Variants in PACS2 observed in about 807,000 individuals in gnomAD.
PACS2 encodes phosphofurin acidic cluster sorting protein 2, also known as PACS1-like protein.
PACS2 carries 36 observed loss-of-function variants against 113.0 expected under a neutral mutation model. The observed-to-expected ratio is 0.32, with a 90% CI of 0.24 to 0.42. The LOEUF (loss-of-function observed/expected upper bound fraction) is 0.42, where lower values mean the gene tolerates loss of function less well. Among genes scored for constraint, PACS2 ranks in the 10% least tolerant of loss-of-function variants. The pLI, the probability that PACS2 is intolerant of heterozygous loss-of-function variation, is 1.00. For missense variants in PACS2, 1,015 were observed against 1,239.5 expected (o/e 0.82, Z 2.72); for synonymous variants, 589 against 536.1 (o/e 1.10, Z -1.36).
chr14:105,348,022 G>A lies in PACS2; in HGVS notation c.120-471G>A, dbSNP rs371615631. Among the ~76,000 whole-genome samples the A allele has an allele frequency of 2.5e-4, 38 of 152,314 alleles. No homozygotes were observed. Among genetic ancestry groups the A allele is most frequent in the Non-Finnish European group, 1.9e-4 (13 of 68,026 alleles). Reference sequence around the variant, plus strand: ...GGTGAAATGAACAGAAGGAAGGTTGGGGGAAAGCGTATCCCAGCTATGGGC... The same window carrying A: ...GGTGAAATGAACAGAAGGAAGGTTGAGGGAAAGCGTATCCCAGCTATGGGC... On this transcript the variant is annotated intron_variant, in intron 1 of 24. Transcript: ENST00000447393. This position sits in a 1 kb window ranked among gnomAD's most constrained non-coding sequence, Gnocchi z 6.4.
chr14:105,381,143 C>T (rs1364846702), intron 12 of PACS2, 44 bp downstream of exon 12: 71 of 1,520,368 alleles, frequency 4.7e-5, no homozygotes, highest in Middle Eastern at 3.6e-4. Context: ...ATGCACCTGT[C>T]GGGGGAGGGG....
Position 105,394,960 on chromosome 14 carries a change from G to T in PACS2, c.*288G>T, listed in dbSNP as rs1271920529. ...CCTCTGGCCTCAGGAGCCACCCAGA[G>T]CCTCACAGGCTGAGTTCTTGCCTCT... is the stretch of plus-strand genomic sequence containing the variant. On this transcript the variant is annotated 3_prime_UTR_variant, in exon 25 of 25. Coordinates refer to ENST00000447393, the MANE Select transcript of PACS2 (RefSeq NM_001100913.3). 2.6e-6 allele frequency: 1 copy of T among 383,836 alleles called. No individual in the cohort carries two copies. The highest frequency in any genetic ancestry group is 4.9e-6 in the Non-Finnish European group (1 of 202,632). 23.8% of individuals were successfully genotyped at this position (383,836 alleles called of 1,614,324 possible). A position where few individuals can be genotyped will look rare whatever the true frequency, so the allele number is the denominator to read the frequency against.
intron 1 of PACS2, among the ~76,000 whole-genome samples, chr14:105,303,728 G>A (rs368588560): frequency 1.8e-4 from 28 of 152,096 alleles, no homozygotes; most frequent in African/African-American, 6.3e-4. Context: ...ATTTCCTCCC[G>A]GATCCAAGGG....
intron 8 of PACS2, chr14:105,372,011 A>G (rs1464804658): frequency 3.9e-5 from 6 of 152,244 alleles, no homozygotes; most frequent in African/African-American, 1.4e-4. Flanking sequence ...CACCTGTTAG[A>G]GGCCCCACTT....
intron 1 of PACS2, among the ~76,000 whole-genome samples, chr14:105,343,338 A>T (rs2059804986): frequency 6.6e-6 from 1 of 152,104 alleles, no homozygotes; most frequent in Non-Finnish European, 1.5e-5. Context: ...TGCATTAGGG[A>T]TCTGTGTAGG....
chr14:105,381,183 G>T, intron 12 of PACS2, 84 bp downstream of exon 12: 1 of 1,241,054 alleles, frequency 8.1e-7, no homozygotes, highest in Non-Finnish European at 1.1e-6. Flanking sequence ...GGGTGGGTGC[G>T]TGTCAGTCCA....
rs1170035802 is a variant in PACS2 at position 105,396,497 on chromosome 14, C to CTTTTTTTTTTT, written c.*1836_*1846dup. 2 of 115,628 alleles carry CTTTTTTTTTTT rather than the reference C, an allele frequency of 1.7e-5. No homozygotes were observed. Among genetic ancestry groups the CTTTTTTTTTTT allele is most frequent in the African/African-American group, 3.5e-5 (1 of 28,456 alleles). The allele number at this position is 115,628 out of a possible 1,614,324, so 7.2% of individuals were successfully genotyped here. On this transcript the variant is annotated 3_prime_UTR_variant, in exon 25 of 25. Transcript: ENST00000447393. Reference sequence around the variant, plus strand: ...GTTTTTCTGCTCTCCAGTTTCTTTTCTTTTTTTTTTTTTTTTTTTTTGAGA... The same window carrying CTTTTTTTTTTT: ...GTTTTTCTGCTCTCCAGTTTCTTTTCTTTTTTTTTTTTTTTTTTTTTTTTTTTTTTTTGAGA...
intron 4 of PACS2, among the ~76,000 whole-genome samples, chr14:105,361,929 C>T (rs2060699727): frequency 6.7e-6 from 1 of 148,202 alleles, no homozygotes; most frequent in African/African-American, 2.5e-5. Context: ...AGCCTGGGCG[C>T]CAAGAGTGAG....
In PACS2 at chr14:105,315,097, C is replaced by A. The variant is rs1595538863; in HGVS notation, c.119+60C>A. ...GCACCTGCTGGGGGTGTCCTGGCCG[C>A]GGCCTCTGCGCGCCCCATCCCCGGC... On this transcript the variant is annotated intron_variant, in intron 1 of 24. Transcript: ENST00000447393. The surrounding 1 kb of genome is among the most constrained non-coding windows in gnomAD (Gnocchi z 4.4). 34 of 1,016,090 alleles carry A rather than the reference C, an allele frequency of 3.3e-5. 1 individual carries two copies. In the East Asian group the frequency reaches 2.3e-3, roughly 68 times the overall value. The allele number at this position is 1,016,090 out of a possible 1,614,324, so 62.9% of individuals were successfully genotyped here.
In PACS2 at chr14:105,357,679, C is replaced by T. The variant is rs782292978; in HGVS notation, c.423+2502C>T. 1.3e-5 allele frequency among the ~76,000 whole-genome samples: 2 copies of T among 152,148 alleles called. No individual in the cohort carries two copies. Among genetic ancestry groups the T allele is most frequent in the African/African-American group, 2.4e-5 (1 of 41,428 alleles). On this transcript the variant is annotated intron_variant, in intron 4 of 24. Transcript: ENST00000447393. The surrounding 1 kb of genome is among the most constrained non-coding windows in gnomAD (Gnocchi z 5.1). Reference sequence around the variant, plus strand: ...GGAGATTGCGGAGGCGGGACAGCCCCGAGGGCACAGACGGACACAGGTGGC... The same window carrying T: ...GGAGATTGCGGAGGCGGGACAGCCCTGAGGGCACAGACGGACACAGGTGGC...
rs587747955 is a variant in PACS2, at chr14:105,325,172, G to GGC, written c.119+10136_119+10137insCG. On this transcript the variant is annotated intron_variant, in intron 1 of 24. Coordinates refer to ENST00000447393, the MANE Select transcript of PACS2 (RefSeq NM_001100913.3). ...GCACCGTCGTAGGGTGGTGGGACGGGGGGGGGCTCGGACACAGTGGTTGTG... is the reference window on the plus strand; with the variant it reads ...GCACCGTCGTAGGGTGGTGGGACGGGGCGGGGGGCTCGGACACAGTGGTTGTG... Among the ~76,000 whole-genome samples the GGC allele has an allele frequency of 2.1e-3, 320 of 151,812 alleles. 3 individuals are homozygous for GGC. The highest frequency in any genetic ancestry group is 7.3e-3 in the African/African-American group (303 of 41,328).
At position 105,340,965 on chromosome 14, in the gene PACS2, A is replaced by C. The variant is rs2059699353; in HGVS notation, c.120-7528A>C. Among the ~76,000 whole-genome samples the C allele has an allele frequency of 1.3e-5, 2 of 152,316 alleles. No individual in the cohort carries two copies. The highest frequency in any genetic ancestry group is 2.9e-5 in the Non-Finnish European group (2 of 68,018). ...GCCACGTAGCCGTCACCCAGCTAGCATGGGGAGGCTCGCTACCAAGGGGTG... is the reference window on the plus strand; with the variant it reads ...GCCACGTAGCCGTCACCCAGCTAGCCTGGGGAGGCTCGCTACCAAGGGGTG... On this transcript the variant is annotated intron_variant, in intron 1 of 24. Transcript: ENST00000447393. This position sits in a 1 kb window ranked among gnomAD's most constrained non-coding sequence, Gnocchi z 4.2.
intron 8 of PACS2, among the ~76,000 whole-genome samples, chr14:105,375,481 CAAAAAAA>C (rs34549878): frequency 5.8e-5 from 3 of 51,410 alleles, no homozygotes; most frequent in South Asian, 6.9e-4. Flanking sequence ...GACTCCATCT[CAAAAAAA>C]AAAAAAAAAA....
At position 105,348,507 on chromosome 14, in the gene PACS2, C is replaced by A. The variant is rs1555403142; in HGVS notation, c.134C>A (p.Thr45Asn). The change falls in exon 2 of 25, where the codon ACT (threonine) becomes AAT (asparagine). Residue 45 changes from threonine (T) to asparagine (N), a missense_variant. Coordinates refer to ENST00000447393, the MANE Select transcript of PACS2 (RefSeq NM_001100913.3). This position sits in a 1 kb window ranked among gnomAD's most constrained non-coding sequence, Gnocchi z 6.4. ...PSCVPRLCSL[T>N]LKKLVVFKEL... ...TTGCCTCACAGGTTGTGCAGCCTGA[C>A]TCTGAAGAAGCTGGTGGTCTTCAAG... The A allele has an allele frequency of 1.8e-5, 29 of 1,611,970 alleles. No individual in the cohort carries two copies. The highest frequency in any genetic ancestry group is 2.2e-5 in the Non-Finnish European group (26 of 1,179,532).
At chr14:105,338,955 AG>A (rs2059624893) in intron 1 of PACS2, among the ~76,000 whole-genome samples, 1 of 151,946 alleles carries the variant, frequency 6.6e-6, no homozygotes, top group Non-Finnish European at 1.5e-5. Context: ...CCACAACCAG[AG>A]GTGCTCACTC....
intron 1 of PACS2, among the ~76,000 whole-genome samples, chr14:105,331,477 C>G (rs1356776540): frequency 6.6e-6 from 1 of 152,174 alleles, no homozygotes; most frequent in East Asian, 1.9e-4. Flanking sequence ...AGTGCAGTGG[C>G]ATGATCATAG....
At chr14:105,381,876 G>A in intron 12 of PACS2, 38 bp from the exon 13 acceptor site, 1 of 1,531,600 alleles carries the variant, frequency 6.5e-7, no homozygotes, top group Admixed American at 2.0e-5. Context: ...TCCTGTTCCT[G>A]CTGCCACAGC....
rs2059039654 is a variant in PACS2 at position 105,324,933 on chromosome 14, AG to A, written c.119+9900del. ...AATGGGCAAGGGAAGACACTGGGGA[AG>A]GGGTGGGTCTGCCCTTCCTGCTGGG... On this transcript the variant is annotated intron_variant, in intron 1 of 24. Transcript: ENST00000447393. The surrounding 1 kb of genome is among the most constrained non-coding windows in gnomAD (Gnocchi z 4.7). Among the ~76,000 whole-genome samples, 1 of 152,032 alleles carries A rather than the reference AG, an allele frequency of 6.6e-6. No homozygotes were observed.
Position 105,340,436 on chromosome 14 carries a change from G to T in PACS2, c.120-8057G>T, listed in dbSNP as rs1243620577. Among the ~76,000 whole-genome samples, 1 of 152,222 alleles carries T rather than the reference G, an allele frequency of 6.6e-6. No homozygotes were observed. The highest frequency in any genetic ancestry group is 1.5e-5 in the Non-Finnish European group (1 of 68,040). On this transcript the variant is annotated intron_variant, in intron 1 of 24. Transcript: ENST00000447393. The surrounding 1 kb of genome is among the most constrained non-coding windows in gnomAD (Gnocchi z 4.2). ...GCCGCCAGGGACCGGTTTTGTGGAA[G>T]ACAGTTTTTCCACAGACGGTGATGG...
Sources: gnomAD v4.1 joint callset for allele counts (sites outside exome capture counted in the v4.1 genomes callset) on GRCh38, gnomAD v4.1.1 for gene constraint, Gnocchi (gnomAD v3.1) non-coding constraint, MANE v1.5 for transcripts, NCBI Gene and HGNC (gene_info 2026-07-23, HGNC 2026-07-21) for gene names.